Variants in POMT2 observed in about 807,000 individuals in gnomAD.
The protein encoded by POMT2 is protein O-mannosyl-transferase 2.
In POMT2, 75 loss-of-function variants were observed where a neutral mutation model predicts 100.0. The observed-to-expected ratio is 0.75, with a 90% confidence interval of 0.62 to 0.91. POMT2 has a LOEUF of 0.91. Among genes scored for constraint, POMT2 ranks in the 40% least tolerant of loss-of-function variants. The probability of loss-of-function intolerance (pLI) is 0.00; values close to 1 mark genes in which losing one functional copy is unlikely to be tolerated. For synonymous variants in POMT2, 378 were observed against 374.1 expected (o/e 1.01, Z -0.12); for missense variants, 940 against 955.1 (o/e 0.98, Z 0.21).
chr14:77,298,896 G>T, intron 7 of POMT2, 125 bp from the exon 8 acceptor site: 1 of 942,488 alleles, frequency 1.1e-6, no homozygotes, highest in Non-Finnish European at 1.7e-6. Flanking sequence ...TGGGACAGAG[G>T]TGGGTGATGG....
intron 1 of POMT2, among the ~76,000 whole-genome samples, chr14:77,313,497 A>G (rs909879806): frequency 1.1e-4 from 17 of 152,360 alleles, no homozygotes; most frequent in Admixed American, 2.6e-4. Flanking sequence ...TACAAAATGA[A>G]GACAATAATA....
chr14:77,280,549 G>T, intron 15 of POMT2, 86 bp from the exon 16 acceptor site: 1 of 1,601,464 alleles, frequency 6.2e-7, no homozygotes. Flanking sequence ...TCTGATATAG[G>T]GCCAAGCGCC....
chr14:77,280,544 T>C, intron 15 of POMT2, 81 bp from the exon 16 acceptor site: 10 of 1,606,772 alleles, frequency 6.2e-6, no homozygotes, highest in Admixed American at 1.7e-5. Context: ...GTTTTTCTGA[T>C]ATAGGGCCAA....
chr14:77,288,859 C>G (rs1566649471), intron 10 of POMT2, 28 bp from the exon 11 acceptor site: 1 of 1,597,070 alleles, frequency 6.3e-7, no homozygotes, highest in East Asian at 2.2e-5. Flanking sequence ...GCATTGATAT[C>G]CAAAATCACT....
At chr14:77,289,044 G>A (rs901852267) in intron 10 of POMT2, among the ~76,000 whole-genome samples, 4 of 151,602 alleles carry the variant, frequency 2.6e-5, no homozygotes, top group African/African-American at 9.7e-5. Flanking sequence ...TTAAGGGAAA[G>A]GGAGAATTTT....
At position 77,320,591 on chromosome 14, in the gene POMT2, G is replaced by A; in HGVS notation, c.91C>T (p.Arg31Trp). 6.3e-7 allele frequency: 1 copy of A among 1,581,804 alleles called. No individual in the cohort carries two copies. The highest frequency in any genetic ancestry group is 8.5e-7 in the Non-Finnish European group (1 of 1,171,486). The change falls in exon 1 of 21, where the codon CGG becomes TGG. Residue 31 changes from arginine to tryptophan, a missense_variant. Coordinates refer to ENST00000261534, the MANE Select transcript of POMT2 (RefSeq NM_013382.7). ...CGPQAARAAG[R>W]DVAAEAVARS... ...GCCACAGCCTCAGCGGCCACGTCCC[G>A]GCCTGCGGCCCTAGCAGCCTGGGGG...
At chr14:77,286,969 T>C (rs1406786367) in intron 11 of POMT2, 147 bp from the exon 12 acceptor site, 1 of 1,463,526 alleles carries the variant, frequency 6.8e-7, no homozygotes, top group African/African-American at 1.4e-5. Context: ...GGAACTGGTT[T>C]CCTATTTACT....
chr14:77,320,572 G>A lies in POMT2; in HGVS notation c.110C>T (p.Ala37Val). The change falls in exon 1 of 21, where the codon GCT becomes GTT. Residue 37 changes from alanine (A) to valine (V), a missense_variant. Coordinates refer to ENST00000261534, the MANE Select transcript of POMT2 (RefSeq NM_013382.7). The part of the protein sequence containing the change: ...RAAGRDVAAE[A>V]VARSPKRPAW... ...AGGCCGTTTGGGGCTTCGCGCCACA[G>A]CCTCAGCGGCCACGTCCCGGCCTGC... 1 of 1,573,580 alleles carries A rather than the reference G, an allele frequency of 6.4e-7. No individual in the cohort carries two copies. The highest frequency in any genetic ancestry group is 8.6e-7 in the Non-Finnish European group (1 of 1,166,824).
At chr14:77,299,618 G>T in intron 6 of POMT2, 57 bp from the exon 7 acceptor site, 2 of 1,277,612 alleles carry the variant, frequency 1.6e-6, no homozygotes, top group Non-Finnish European at 2.3e-6. Flanking sequence ...TATTCCTTAG[G>T]CACTATGCAT....
chr14:77,288,737 T>C (rs1336065046), intron 11 of POMT2, 25 bp downstream of exon 11: 1 of 1,604,526 alleles, frequency 6.2e-7, no homozygotes. Context: ...TACCATTTAT[T>C]TATCCAAACT....
intron 9 of POMT2, 34 bp from the exon 10 acceptor site, chr14:77,291,414 G>A (rs1427034215): frequency 8.7e-7 from 1 of 1,150,210 alleles, no homozygotes; most frequent in Admixed American, 1.8e-5. Flanking sequence ...GGAAGAGGAA[G>A]CAGGAGGGAG....
chr14:77,284,905 T>A, intron 14 of POMT2, 45 bp downstream of exon 14: 2 of 1,500,456 alleles, frequency 1.3e-6, no homozygotes, highest in Non-Finnish European at 1.9e-6. Context: ...GGGTTTCTTA[T>A]AAATGCTTCC....
chr14:77,309,550 C>A (rs1006335290), intron 2 of POMT2, among the ~76,000 whole-genome samples: 1 of 152,156 alleles, frequency 6.6e-6, no homozygotes, highest in African/African-American at 2.4e-5. Context: ...GAACACAGAA[C>A]CATCAGGAGC....
At chr14:77,280,565 G>T (rs559747080) in intron 15 of POMT2, 102 bp from the exon 16 acceptor site, 95 of 1,583,056 alleles carry the variant, frequency 6.0e-5, no homozygotes, top group Non-Finnish European at 7.8e-5. Flanking sequence ...GCGCCGAGCA[G>T]AACCTTCTCT....
chr14:77,277,306 G>T lies in POMT2; in HGVS notation c.*70C>A. The T allele has an allele frequency of 7.4e-7, 1 of 1,348,788 alleles. No homozygotes were observed. Among genetic ancestry groups the T allele is most frequent in the Non-Finnish European group, 1.1e-6 (1 of 944,306 alleles). 83.6% of individuals were successfully genotyped at this position (1,348,788 alleles called of 1,614,324 possible). On this transcript the variant is annotated 3_prime_UTR_variant, in exon 21 of 21. Coordinates refer to ENST00000261534, the MANE Select transcript of POMT2 (RefSeq NM_013382.7). The stretch of plus-strand genomic sequence containing the variant: ...TAGGCAGCTTCCTCATGGCCGGATG[G>T]TCCAGTACTGCTTCCCAGCTGGCTC...
Position 77,292,612 on chromosome 14 carries a change from T to G in POMT2, c.1117-1232A>C, listed in dbSNP as rs185882547. Among the ~76,000 whole-genome samples the G allele has an allele frequency of 2.2e-3, 334 of 152,298 alleles. 1 individual carries two copies. The highest frequency in any genetic ancestry group is 4.0e-3 in the Non-Finnish European group (271 of 68,030). On this transcript the variant is annotated intron_variant, in intron 9 of 20. Coordinates refer to ENST00000261534, the MANE Select transcript of POMT2 (RefSeq NM_013382.7). Reference sequence around the variant, plus strand: ...ACAAATGAGTTTTTATAACCCCAATTGGATAAAATATGACCAATTTATAGT... The same window carrying G: ...ACAAATGAGTTTTTATAACCCCAATGGGATAAAATATGACCAATTTATAGT...
intron 4 of POMT2, among the ~76,000 whole-genome samples, chr14:77,303,693 C>A (rs1406917855): frequency 6.6e-6 from 1 of 152,196 alleles, no homozygotes; most frequent in Non-Finnish European, 1.5e-5. Flanking sequence ...GCTCAAAGCT[C>A]CCCTCTCAGA....
intron 1 of POMT2, among the ~76,000 whole-genome samples, chr14:77,316,558 C>T (rs1248951962): frequency 7.9e-6 from 1 of 126,872 alleles, no homozygotes; most frequent in Non-Finnish European, 1.6e-5. Flanking sequence ...AGAGTCAGAT[C>T]TCATCTCTAA....
chr14:77,319,071 T>C (rs1003876557), intron 1 of POMT2, among the ~76,000 whole-genome samples: 6 of 152,038 alleles, frequency 3.9e-5, no homozygotes, highest in Non-Finnish European at 7.4e-5. Flanking sequence ...TTTACAAGGG[T>C]AGTGGGCTAT....
Sources: gnomAD v4.1 joint callset for allele counts (sites outside exome capture counted in the v4.1 genomes callset) on GRCh38, gnomAD v4.1.1 for gene constraint, MANE v1.5 for transcripts, NCBI Gene and HGNC (gene_info 2026-07-23, HGNC 2026-07-21) for gene names.